The following CTNNA2 variants were observed in gnomAD, a reference collection of about 807,000 sequenced individuals.
CTNNA2 encodes catenin alpha 2, also known as catenin alpha-2.
Under a neutral mutation model 101.0 loss-of-function variants are expected in CTNNA2, and 42 were observed. That is an observed-to-expected ratio of 0.42 (90% CI 0.32 to 0.54). The LOEUF is 0.54. Among genes scored for constraint, CTNNA2 ranks in the 20% least tolerant of loss-of-function variants. The probability of loss-of-function intolerance (pLI) is 0.14; values close to 1 mark genes in which losing one functional copy is unlikely to be tolerated. For synonymous variants in CTNNA2, 450 were observed against 456.4 expected, an observed-to-expected ratio of 0.99 and a Z score of 0.18; for missense variants, 871 against 1,223.1, an observed-to-expected ratio of 0.71 and a Z score of 4.29.
chr2:79,874,012 T>A, intron 5 of CTNNA2, 64 bp from the exon 6 acceptor site: 2 of 1,584,386 alleles, frequency 1.3e-6, no homozygotes, highest in Non-Finnish European at 1.7e-6. Flanking sequence ...GACTCCAAAC[T>A]GTGTTGCAAA....
intron 2 of CTNNA2, among the ~76,000 whole-genome samples, chr2:79,305,842 G>A (rs1676227864): frequency 6.6e-6 from 1 of 151,950 alleles, no homozygotes; most frequent in African/African-American, 2.4e-5. Flanking sequence ...TCAGAAGATC[G>A]AGACCATCCT....
chr2:79,707,425 T>A (rs1448195763), intron 2 of CTNNA2, among the ~76,000 whole-genome samples: 2 of 152,176 alleles, frequency 1.3e-5, no homozygotes, highest in African/African-American at 4.8e-5. Context: ...CTATGTCAAC[T>A]ATTAACCTCT....
At chr2:80,558,642 A>G (rs1405784666) in intron 12 of CTNNA2, among the ~76,000 whole-genome samples, 5 of 152,124 alleles carry the variant, frequency 3.3e-5, no homozygotes, top group Non-Finnish European at 7.4e-5. Flanking sequence ...GACTTAAACA[A>G]TTTTAGAGCC....
intron 2 of CTNNA2, among the ~76,000 whole-genome samples, chr2:79,693,872 G>A (rs1178677670): frequency 6.6e-6 from 1 of 151,936 alleles, no homozygotes; most frequent in Non-Finnish European, 1.5e-5. Flanking sequence ...AAGTAATCAT[G>A]GGGATAAATA....
intron 7 of CTNNA2, among the ~76,000 whole-genome samples, chr2:79,959,790 T>G (rs1183226657): frequency 6.6e-6 from 1 of 152,224 alleles, no homozygotes; most frequent in African/African-American, 2.4e-5. Context: ...AGCCTTGTAT[T>G]TTCTGCTAGG....
At chr2:79,934,262 C>T (rs1392410893) in intron 7 of CTNNA2, among the ~76,000 whole-genome samples, 1 of 152,174 alleles carries the variant, frequency 6.6e-6, no homozygotes, top group African/African-American at 2.4e-5. Context: ...GGCCTGATTA[C>T]AGAACTTAAC....
chr2:80,059,070 A>G (rs548166711), intron 7 of CTNNA2, among the ~76,000 whole-genome samples: 1 of 152,318 alleles, frequency 6.6e-6, no homozygotes, highest in Non-Finnish European at 1.5e-5. Flanking sequence ...CATTTTAAAA[A>G]TATCTGCTGA....
chr2:79,525,439 A>G (rs990437085), intron 1 of CTNNA2, among the ~76,000 whole-genome samples: 8 of 151,990 alleles, frequency 5.3e-5, no homozygotes, highest in Non-Finnish European at 1.2e-4. Flanking sequence ...TTCTGCATAC[A>G]TATCAGTATT....
chr2:80,480,608 A>G (rs1296705824), intron 9 of CTNNA2, among the ~76,000 whole-genome samples: 1 of 152,118 alleles, frequency 6.6e-6, no homozygotes, highest in Non-Finnish European at 1.5e-5. Flanking sequence ...TTAAATTGGC[A>G]TCTTGAATTT....
chr2:80,289,304 A>G (rs1675036224), intron 7 of CTNNA2: 2 of 152,182 alleles, frequency 1.3e-5, no homozygotes, highest in Admixed American at 6.5e-5. Context: ...TTCCCTCTTA[A>G]CATTCCAGTT....
intron 7 of CTNNA2, among the ~76,000 whole-genome samples, chr2:80,117,410 G>GT (rs1191586438): frequency 6.7e-6 from 1 of 149,818 alleles, no homozygotes; most frequent in African/African-American, 2.5e-5. Context: ...TCTCATTTAG[G>GT]TTTTTTAAAA....
intron 2 of CTNNA2, among the ~76,000 whole-genome samples, chr2:79,312,317 A>G (rs902315310): frequency 2.0e-5 from 3 of 152,226 alleles, no homozygotes; most frequent in African/African-American, 7.2e-5. Flanking sequence ...TTCCAATAAC[A>G]TAGTCAATGT....
chr2:79,332,417 A>G (rs996778147), intron 3 of CTNNA2, among the ~76,000 whole-genome samples: 2 of 152,190 alleles, frequency 1.3e-5, no homozygotes, highest in African/African-American at 4.8e-5. Flanking sequence ...CTGAATTGGA[A>G]AAGTAAAAGC....
At chr2:79,287,969 G>T (rs563350272) in intron 2 of CTNNA2, among the ~76,000 whole-genome samples, 1 of 152,188 alleles carries the variant, frequency 6.6e-6, no homozygotes, top group Non-Finnish European at 1.5e-5. Flanking sequence ...TTTTTAAGCC[G>T]GTCGGAAAAG....
chr2:79,388,390 G>C (rs1191087102), intron 4 of CTNNA2, among the ~76,000 whole-genome samples: 1 of 152,094 alleles, frequency 6.6e-6, no homozygotes, highest in East Asian at 1.9e-4. Context: ...ACTAGCTACT[G>C]GCTTCATTCC....
upstream of CTNNA2, among the ~76,000 whole-genome samples, chr2:79,508,459 G>T (rs1671459494): frequency 6.6e-6 from 1 of 152,042 alleles, no homozygotes; most frequent in African/African-American, 2.4e-5. Context: ...ATCTATTAGG[G>T]AACCTGAAGA....
At chr2:80,084,388 G>A (rs1699321430) in intron 7 of CTNNA2, among the ~76,000 whole-genome samples, 1 of 152,080 alleles carries the variant, frequency 6.6e-6, no homozygotes, top group Non-Finnish European at 1.5e-5. Context: ...GCATTCTTTT[G>A]TTGTGGAGTT....
chr2:80,581,649 G>A, intron 13 of CTNNA2, 57 bp from the exon 14 acceptor site: 1 of 1,090,082 alleles, frequency 9.2e-7, no homozygotes, highest in Non-Finnish European at 1.4e-6. Context: ...TGAAGTGTGT[G>A]GATGGGGGTG....
intron 3 of CTNNA2, among the ~76,000 whole-genome samples, chr2:79,810,995 C>T (rs1252275907): frequency 1.3e-5 from 2 of 151,372 alleles, no homozygotes; most frequent in East Asian, 1.9e-4. Context: ...CATACGTGTG[C>T]ATGTGTCTTT....
Sources: gnomAD v4.1 joint callset for allele counts (sites outside exome capture counted in the v4.1 genomes callset) on GRCh38, gnomAD v4.1.1 for gene constraint, MANE v1.5 for transcripts, NCBI Gene and HGNC (gene_info 2026-07-23, HGNC 2026-07-21) for gene names.